The following CLSTN2 variants were observed in gnomAD, a reference collection of about 807,000 sequenced individuals.
CLSTN2 encodes the protein calsyntenin 2.
CLSTN2 carries 48 observed loss-of-function variants against 101.2 expected under a neutral mutation model. The ratio of observed to expected loss-of-function variants is 0.47; its 90% CI spans 0.38 to 0.60. The LOEUF (loss-of-function observed/expected upper bound fraction) is 0.60, where lower values mean the gene tolerates loss of function less well. Among genes scored for constraint, CLSTN2 ranks in the 20% least tolerant of loss-of-function variants. The pLI is 0.00. For missense variants in CLSTN2, 1,160 were observed against 1,238.2 expected (o/e 0.94, Z 0.95); for synonymous variants, 481 against 463.6 (o/e 1.04, Z -0.48).
intron 8 of CLSTN2, among the ~76,000 whole-genome samples, chr3:140,501,272 G>A (rs1434669198): frequency 6.6e-6 from 1 of 152,192 alleles, no homozygotes; most frequent in Non-Finnish European, 1.5e-5. Context: ...CAGTTCAGAT[G>A]TTTGCAAAAG....
At chr3:140,264,419 T>G (rs2086678502) in intron 2 of CLSTN2, among the ~76,000 whole-genome samples, 1 of 80,712 alleles carries the variant, frequency 1.2e-5, no homozygotes, top group African/African-American at 5.1e-5. Flanking sequence ...TATATATATA[T>G]ATATATATAA....
intron 1 of CLSTN2, among the ~76,000 whole-genome samples, chr3:140,074,852 A>G (rs1275508104): frequency 6.6e-6 from 1 of 152,072 alleles, no homozygotes; most frequent in Non-Finnish European, 1.5e-5. Flanking sequence ...ACCTACCCCC[A>G]CTGCAATGCC....
chr3:140,450,438 T>A (rs918737325), intron 6 of CLSTN2, among the ~76,000 whole-genome samples: 2 of 152,190 alleles, frequency 1.3e-5, no homozygotes, highest in Non-Finnish European at 2.9e-5. Context: ...ACTGTTGACA[T>A]GGTGATGGGC....
intron 2 of CLSTN2, among the ~76,000 whole-genome samples, chr3:140,236,892 A>G (rs1054131174): frequency 7.1e-6 from 1 of 141,064 alleles, no homozygotes; most frequent in Non-Finnish European, 1.5e-5. Context: ...TTACCTTCTC[A>G]TGCTTCCTTT....
At chr3:140,232,081 T>C (rs1217297127) in intron 2 of CLSTN2, among the ~76,000 whole-genome samples, 2 of 152,214 alleles carry the variant, frequency 1.3e-5, no homozygotes, top group Non-Finnish European at 2.9e-5. Flanking sequence ...TACAGCACAG[T>C]ACATACTAAA....
At chr3:140,382,446 A>C (rs2087996068) in intron 2 of CLSTN2, among the ~76,000 whole-genome samples, 1 of 152,214 alleles carries the variant, frequency 6.6e-6, no homozygotes, top group Non-Finnish European at 1.5e-5. Flanking sequence ...TGAAAGGTTT[A>C]TAGTCTGTAC....
intron 7 of CLSTN2, among the ~76,000 whole-genome samples, chr3:140,464,203 G>A (rs1286124551): frequency 1.3e-5 from 2 of 152,158 alleles, no homozygotes; most frequent in African/African-American, 2.4e-5. Context: ...GCTAGGAGGA[G>A]GTTGGGGGAT....
chr3:139,945,362 G>C (rs750473727), intron 1 of CLSTN2, among the ~76,000 whole-genome samples: 9 of 152,246 alleles, frequency 5.9e-5, no homozygotes, highest in Non-Finnish European at 1.2e-4. Flanking sequence ...TATTCAAATG[G>C]AAGTGGCTCT....
intron 2 of CLSTN2, among the ~76,000 whole-genome samples, chr3:140,312,807 A>G (rs1484010999): frequency 6.6e-6 from 1 of 152,242 alleles, no homozygotes; most frequent in Non-Finnish European, 1.5e-5. Flanking sequence ...CAGTAGTTAC[A>G]TGGGAGAAAG....
chr3:140,302,323 A>C (rs960596754), intron 2 of CLSTN2, among the ~76,000 whole-genome samples: 1 of 152,238 alleles, frequency 6.6e-6, no homozygotes. Context: ...TACAGGGACC[A>C]TATTTATGAA....
intron 2 of CLSTN2, among the ~76,000 whole-genome samples, chr3:140,245,361 G>A (rs577544261): frequency 6.6e-6 from 1 of 152,074 alleles, no homozygotes; most frequent in South Asian, 2.1e-4. Context: ...TGCTGAGCAT[G>A]GTGAATACAG....
intron 1 of CLSTN2, among the ~76,000 whole-genome samples, chr3:139,944,943 G>C (rs1441301254): frequency 6.6e-6 from 1 of 152,232 alleles, no homozygotes; most frequent in Non-Finnish European, 1.5e-5. Flanking sequence ...CAGGCCGGCA[G>C]ATACCAGTGG....
intron 10 of CLSTN2, among the ~76,000 whole-genome samples, chr3:140,551,490 C>A (rs1416777587): frequency 2.6e-5 from 4 of 151,874 alleles, no homozygotes; most frequent in Admixed American, 2.0e-4. Context: ...ACAATCCCTG[C>A]CAATTTTTCA....
intron 1 of CLSTN2, among the ~76,000 whole-genome samples, chr3:140,012,268 G>A (rs1377478195): frequency 6.6e-6 from 1 of 152,136 alleles, no homozygotes; most frequent in Admixed American, 6.5e-5. Flanking sequence ...GTAAGAAGCT[G>A]TGTGTATGAA....
intron 9 of CLSTN2, among the ~76,000 whole-genome samples, chr3:140,538,505 AG>A (rs2107782811): frequency 6.6e-6 from 1 of 152,344 alleles, no homozygotes; most frequent in African/African-American, 2.4e-5. Flanking sequence ...TGAGAGTTGC[AG>A]TAAGCAGTAA....
At chr3:140,558,521 C>T in intron 11 of CLSTN2, 119 bp from the exon 12 acceptor site, 1 of 695,974 alleles carries the variant, frequency 1.4e-6, no homozygotes, top group Non-Finnish European at 2.5e-6. Flanking sequence ...TCCTCAGAGA[C>T]ACTTACGCAG....
rs180911331 is a variant in CLSTN2, at chr3:140,556,186, C to G, written c.1675-327C>G. Among the ~76,000 whole-genome samples, 360 of 152,264 alleles carry G rather than the reference C, an allele frequency of 2.4e-3. 1 individual carries two copies. Among genetic ancestry groups the G allele is most frequent in the Non-Finnish European group, 2.6e-3 (180 of 68,020 alleles). ...AGTGGTCCAGACCACCCGGCTAGCACAGAGCATGGACCACTGTTCGCCAAG... is the reference window on the plus strand; with the variant it reads ...AGTGGTCCAGACCACCCGGCTAGCAGAGAGCATGGACCACTGTTCGCCAAG... On this transcript the variant is annotated intron_variant, in intron 10 of 16. Coordinates refer to ENST00000458420, the MANE Select transcript of CLSTN2 (RefSeq NM_022131.3).
At chr3:139,963,486 C>T (rs1372639746) in intron 1 of CLSTN2, among the ~76,000 whole-genome samples, 4 of 152,124 alleles carry the variant, frequency 2.6e-5, no homozygotes. Context: ...GAAAATAGCT[C>T]ACACATGACC....
chr3:140,060,318 G>A (rs1352250519), intron 1 of CLSTN2, among the ~76,000 whole-genome samples: 1 of 152,176 alleles, frequency 6.6e-6, no homozygotes, highest in Non-Finnish European at 1.5e-5. Context: ...AGCTCATGGA[G>A]TAGGGGCTGG....
Sources: allele counts gnomAD v4.1 joint callset (sites outside exome capture counted in the v4.1 genomes callset), GRCh38; gene constraint gnomAD v4.1.1; transcripts MANE v1.5; gene names NCBI Gene and HGNC (gene_info 2026-07-23, HGNC 2026-07-21).